Variants in FMN2 observed in about 807,000 individuals in gnomAD.
The protein encoded by FMN2 is formin 2, also known as formin-2.
Under a neutral mutation model 142.3 loss-of-function variants are expected in FMN2, and 51 were observed. That is an observed-to-expected ratio of 0.36 (90% CI 0.29 to 0.45). The LOEUF is 0.45. Among genes scored for constraint, FMN2 ranks in the 20% least tolerant of loss-of-function variants. The pLI, the probability that FMN2 is intolerant of heterozygous loss-of-function variation, is 1.00. For synonymous variants in FMN2, 882 were observed against 869.8 expected (o/e 1.01, Z -0.25); for missense variants, 1,936 against 2,122.8 (o/e 0.91, Z 1.73).
intron 2 of FMN2, among the ~76,000 whole-genome samples, chr1:240,146,722 G>A (rs1163275362): frequency 6.6e-6 from 1 of 152,050 alleles, no homozygotes; most frequent in African/African-American, 2.4e-5. Flanking sequence ...ATAGTGAAGA[G>A]TAGAGTGCCT....
chr1:240,115,091 G>A (rs2103202585), intron 1 of FMN2, among the ~76,000 whole-genome samples: 1 of 152,170 alleles, frequency 6.6e-6, no homozygotes, highest in East Asian at 1.9e-4. Context: ...TTCCTATTCT[G>A]TTATCAGTGC....
chr1:240,122,246 G>T (rs1271575478), intron 1 of FMN2, among the ~76,000 whole-genome samples: 2 of 146,240 alleles, frequency 1.4e-5, no homozygotes, highest in African/African-American at 5.5e-5. Flanking sequence ...CACCACCACG[G>T]CTGGTTATTT....
chr1:240,144,913 C>G, intron 2 of FMN2: 1 of 1,352,168 alleles, frequency 7.4e-7, no homozygotes, highest in Non-Finnish European at 1.1e-6. Flanking sequence ...ACTCATGACT[C>G]CATGATGCCA....
intron 16 of FMN2, among the ~76,000 whole-genome samples, chr1:240,451,134 G>A (rs1297431896): frequency 1.3e-5 from 2 of 152,092 alleles, no homozygotes; most frequent in African/African-American, 2.4e-5. Context: ...TTGGGAGGCC[G>A]AGGCGGGTGG....
intron 15 of FMN2, among the ~76,000 whole-genome samples, chr1:240,412,059 T>C (rs564052874): frequency 5.3e-4 from 81 of 152,184 alleles, no homozygotes; most frequent in African/African-American, 1.9e-3. Context: ...ACCGAAGCCA[T>C]GAGAAATACC....
chr1:240,411,335 G>A (rs1674380859), intron 15 of FMN2, among the ~76,000 whole-genome samples: 1 of 152,152 alleles, frequency 6.6e-6, no homozygotes. Context: ...CACTTTGGGA[G>A]GCTGAGACAG....
intron 8 of FMN2, among the ~76,000 whole-genome samples, chr1:240,326,016 A>G (rs935144502): frequency 6.6e-6 from 1 of 152,230 alleles, no homozygotes; most frequent in Non-Finnish European, 1.5e-5. Context: ...AGAGGCTCAC[A>G]GGAGCCCTAT....
At position 240,474,060 on chromosome 1, in the gene FMN2, C is replaced by T; in HGVS notation, c.5143-68C>T. The T allele has an allele frequency of 3.6e-6, 5 of 1,388,062 alleles. No homozygotes were observed. In the South Asian group the frequency reaches 5.4e-5, roughly 15 times the overall value. 86.0% of individuals were successfully genotyped at this position (1,388,062 alleles called of 1,614,324 possible). ...AAATGAAAAGGTCTTTTTTAGGCTA[C>T]TCTAAATTCTTTCCATTTTTAAAAG... On this transcript the variant is annotated intron_variant, in intron 17 of 17. Coordinates refer to ENST00000319653, the MANE Select transcript of FMN2 (RefSeq NM_020066.5).
intron 13 of FMN2, among the ~76,000 whole-genome samples, chr1:240,351,858 CTGTATGATGTCATGGGTG>C: frequency 6.6e-6 from 1 of 152,214 alleles, no homozygotes; most frequent in Non-Finnish European, 1.5e-5. Context: ...CCCCAAGACA[CTGTATGATGTCATGGGTG>C]TGTATGATGT....
chr1:240,375,790 A>G (rs114229643), intron 14 of FMN2, among the ~76,000 whole-genome samples: 1 of 152,312 alleles, frequency 6.6e-6, no homozygotes, highest in South Asian at 2.1e-4. Flanking sequence ...GGTATTGTAT[A>G]AATGTCTCCA....
chr1:240,338,856 G>A (rs897430276), intron 13 of FMN2, among the ~76,000 whole-genome samples: 6 of 152,178 alleles, frequency 3.9e-5, no homozygotes, highest in Non-Finnish European at 8.8e-5. Flanking sequence ...TCATCATAAT[G>A]AAGAATCAGT....
At chr1:240,378,533 C>T (rs1044889104) in intron 14 of FMN2, among the ~76,000 whole-genome samples, 8 of 152,024 alleles carry the variant, frequency 5.3e-5, no homozygotes, top group Admixed American at 2.0e-4. Flanking sequence ...ACTTTTGAAC[C>T]TTATCCCCTC....
At chr1:240,328,886 C>G (rs747563262) in intron 8 of FMN2, among the ~76,000 whole-genome samples, 190 bp from the exon 9 acceptor site, 8 of 152,104 alleles carry the variant, frequency 5.3e-5, no homozygotes, top group African/African-American at 1.2e-4. Flanking sequence ...CCACCACACC[C>G]GGCCATATTT....
chr1:240,414,798 A>G (rs925607348), intron 15 of FMN2, among the ~76,000 whole-genome samples: 8 of 152,230 alleles, frequency 5.3e-5, no homozygotes, highest in Admixed American at 4.6e-4. Flanking sequence ...GTAAGCTTAT[A>G]AAAATCTACT....
At chr1:240,375,356 GTAAAAAA>G (rs1431756585) in intron 14 of FMN2, among the ~76,000 whole-genome samples, 1 of 151,998 alleles carries the variant, frequency 6.6e-6, no homozygotes, top group Non-Finnish European at 1.5e-5. Context: ...TCTTCAATAT[GTAAAAAA>G]TAAAAAATAA....
At chr1:240,155,529 C>T (rs888944444) in intron 2 of FMN2, among the ~76,000 whole-genome samples, 4 of 152,132 alleles carry the variant, frequency 2.6e-5, no homozygotes, top group African/African-American at 9.7e-5. Flanking sequence ...GTTCCTCCTG[C>T]CTTGGCCTCT....
intron 16 of FMN2, among the ~76,000 whole-genome samples, chr1:240,464,936 C>G (rs578099610): frequency 6.6e-6 from 1 of 152,276 alleles, no homozygotes; most frequent in Non-Finnish European, 1.5e-5. Context: ...CTGAGAAAGT[C>G]AGAGATTCTC....
At chr1:240,137,327 A>G (rs1455715248) in intron 2 of FMN2, among the ~76,000 whole-genome samples, 4 of 152,172 alleles carry the variant, frequency 2.6e-5, no homozygotes, top group Non-Finnish European at 4.4e-5. Context: ...TTTAGGCTTT[A>G]GTAAATATTT....
chr1:240,164,831 A>G (rs1664413336), intron 2 of FMN2, among the ~76,000 whole-genome samples: 1 of 152,132 alleles, frequency 6.6e-6, no homozygotes, highest in Non-Finnish European at 1.5e-5. Flanking sequence ...GTAGTTTGAT[A>G]CTTTCTTTCA....
Sources: gnomAD v4.1 joint callset for allele counts (sites outside exome capture counted in the v4.1 genomes callset) on GRCh38, gnomAD v4.1.1 for gene constraint, MANE v1.5 for transcripts, NCBI Gene and HGNC (gene_info 2026-07-23, HGNC 2026-07-21) for gene names.